The following ZNF335 variants were observed in gnomAD, a reference collection of about 807,000 sequenced individuals.
ZNF335 encodes the protein zinc finger protein 335, also known as NRC-interacting factor 1.
A neutral mutation model predicts 145.6 loss-of-function variants in ZNF335; 84 were observed. That is an observed-to-expected ratio of 0.58 (90% CI 0.48 to 0.69). The LOEUF (loss-of-function observed/expected upper bound fraction) is 0.69, where lower values mean the gene tolerates loss of function less well. ZNF335 is among the 30% of genes least tolerant of loss of function. The probability of loss-of-function intolerance (pLI) is 0.00; values close to 1 mark genes in which losing one functional copy is unlikely to be tolerated. For synonymous variants in ZNF335, 761 were observed against 717.0 expected (o/e 1.06, Z -0.98); for missense variants, 1,865 against 1,809.7 (o/e 1.03, Z -0.55).
rs1361728258 is a variant in ZNF335, at chr20:45,953,828, C to T, written c.2563G>A (p.Ala855Thr). 1.9e-6 allele frequency: 3 copies of T among 1,614,072 alleles called. No homozygotes were observed. Among genetic ancestry groups the T allele is most frequent in the Non-Finnish European group, 2.5e-6 (3 of 1,180,044 alleles). ...GGGCCTAGCTGGCTCTCGGCTGCTG[C>T]ACCGCCCCCTGGCTCTGCCACGTGG... ...TLHVAEPGGG[A>T]AAESQLGPPD... The change falls in exon 18 of 28, where the codon GCA becomes ACA. Residue 855 changes from alanine to threonine, a missense_variant. Coordinates refer to ENST00000322927, the MANE Select transcript of ZNF335 (RefSeq NM_022095.4).
chr20:45,971,808 A>G (rs2084074523), intron 1 of ZNF335: 3 of 985,046 alleles, frequency 3.0e-6, no homozygotes, highest in East Asian at 1.1e-4. Flanking sequence ...GGCCGGTGGT[A>G]CAGCCCGCTG....
chr20:45,951,651 G>A (rs34240177), intron 20 of ZNF335, among the ~76,000 whole-genome samples: 13 of 152,204 alleles, frequency 8.5e-5, no homozygotes, highest in African/African-American at 2.7e-4. Context: ...TGCAGCTGCT[G>A]TGACAGGAAG....
intron 9 of ZNF335, among the ~76,000 whole-genome samples, chr20:45,962,822 TG>T (rs58435019): frequency 0.2 from 25,444 of 127,864 alleles, 4,538 homozygotes; most frequent in Non-Finnish European, 0.27. Context: ...TTTGTTTGTT[TG>T]TTTTTTTGAG....
At chr20:45,965,030 AAATAAT>A (rs11472570) in intron 7 of ZNF335, among the ~76,000 whole-genome samples, 273 of 141,362 alleles carry the variant, frequency 1.9e-3, no homozygotes, top group East Asian at 4.1e-3. Flanking sequence ...CTCTGTCTCA[AAATAAT>A]AATAATAATA....
At chr20:45,954,825 T>TGG (rs2083697339) in intron 17 of ZNF335, among the ~76,000 whole-genome samples, 1 of 140,022 alleles carries the variant, frequency 7.1e-6, no homozygotes, top group African/African-American at 2.7e-5. Context: ...TGGAGTGCAG[T>TGG]GGTACGATTA....
intron 9 of ZNF335, among the ~76,000 whole-genome samples, chr20:45,962,817 TTGTTTG>T: frequency 1.9e-5 from 2 of 104,182 alleles, no homozygotes; most frequent in African/African-American, 3.2e-5. Flanking sequence ...TTTTTTTTGT[TTGTTTG>T]TTTTTTTGAG....
Position 45,948,854 on chromosome 20 carries a change from A to G in ZNF335, c.*99T>C. 1 of 1,569,614 alleles carries G rather than the reference A, an allele frequency of 6.4e-7. No homozygotes were observed. Among genetic ancestry groups the G allele is most frequent in the East Asian group, 2.2e-5 (1 of 44,506 alleles). On this transcript the variant is annotated 3_prime_UTR_variant, in exon 28 of 28. Transcript: ENST00000322927. Reference sequence around the variant, plus strand: ...AATGAGAGGATGCTGGCTATCCAGTATCTGGAGATCCTAAATGAAGAGGGA... The same window carrying G: ...AATGAGAGGATGCTGGCTATCCAGTGTCTGGAGATCCTAAATGAAGAGGGA...
In ZNF335 at chr20:45,949,508, C is replaced by G. The variant is rs768290060; in HGVS notation, c.3730G>C (p.Val1244Leu). 1.9e-6 allele frequency: 3 copies of G among 1,613,742 alleles called. No homozygotes were observed. The South Asian group carries it at 3.3e-5, about 18-fold the overall frequency. ...QHLLPQEYVVVPEGHHIQVQE... is the reference protein window; with the variant it reads ...QHLLPQEYVVLPEGHHIQVQE... ...ACCTGGATGTGATGGCCTTCAGGGACCACAACATATTCCTGGGGGAGCAGG... is the reference window on the plus strand; with the variant it reads ...ACCTGGATGTGATGGCCTTCAGGGAGCACAACATATTCCTGGGGGAGCAGG... The change falls in exon 25 of 28, where the codon GTC becomes CTC. Residue 1244 changes from valine (V) to leucine (L), a missense_variant. Physicochemically the swap from Val to Leu is conservative, Grantham distance 32. Coordinates refer to ENST00000322927, the MANE Select transcript of ZNF335 (RefSeq NM_022095.4).
Position 45,963,788 on chromosome 20 carries a change from GGGCAGAGT to G in ZNF335, c.1297_1304del (p.Thr433ProfsTer53). 1 of 1,614,154 alleles carries G rather than the reference GGGCAGAGT, an allele frequency of 6.2e-7. No individual in the cohort carries two copies. ...GCCTGGAAGGTCGACCTCGGCGCCG[GGGCAGAGT>G]GTCATGCTCATCCGGGCAGGAGGGG... On this transcript the variant is annotated frameshift_variant, in exon 8 of 28. Coordinates refer to ENST00000322927, the MANE Select transcript of ZNF335 (RefSeq NM_022095.4). LOFTEE classifies it high-confidence loss of function.
intron 20 of ZNF335, 49 bp downstream of exon 20, chr20:45,952,098 G>A (rs367804829): frequency 3.9e-6 from 6 of 1,541,918 alleles, no homozygotes; most frequent in Non-Finnish European, 3.5e-6. Context: ...TTATACAAAC[G>A]AGTAGCCCAA....
chr20:45,960,484 G>A lies in ZNF335; in HGVS notation c.1824C>T (p.His608=). The A allele has an allele frequency of 1.2e-6, 2 of 1,614,198 alleles. No individual in the cohort carries two copies. Among genetic ancestry groups the A allele is most frequent in the Non-Finnish European group, 1.7e-6 (2 of 1,180,026 alleles). ...CAACAGCCTGGATGTGCGTGAGCAG[G>A]TGCATTTTGAAGGTGTAGCGCTTCT... ...SFKKRYTFKM[H]LLTHIQAVAN... Residue 608 remains histidine (H), a synonymous_variant, in exon 13 of 28, where the codon CAC becomes CAT. Coordinates refer to ENST00000322927, the MANE Select transcript of ZNF335 (RefSeq NM_022095.4).
chr20:45,959,321 G>A lies in ZNF335; in HGVS notation c.2133C>T (p.Arg711=), dbSNP rs766684155. 2.5e-6 allele frequency: 4 copies of A among 1,582,256 alleles called. No individual in the cohort carries two copies. Among genetic ancestry groups the A allele is most frequent in the African/African-American group, 1.4e-5 (1 of 73,474 alleles). Residue 711 remains arginine (R), a synonymous_variant, in exon 15 of 28, where the codon CGC becomes CGT. Coordinates refer to ENST00000322927, the MANE Select transcript of ZNF335 (RefSeq NM_022095.4). ...GGCGGGAGGGGGGCTCCTCAGGGTGGCGCCTCCCCCATTCCTCGAAGCTGC... is the reference window on the plus strand; with the variant it reads ...GGCGGGAGGGGGGCTCCTCAGGGTGACGCCTCCCCCATTCCTCGAAGCTGC... ...HASSFEEWGR[R]HPEEPPSRRR...
At chr20:45,956,205 A>AG (rs2083725250) in intron 17 of ZNF335, among the ~76,000 whole-genome samples, 1 of 151,218 alleles carries the variant, frequency 6.6e-6, no homozygotes, top group African/African-American at 2.4e-5. Context: ...CTACTGAAAC[A>AG]TTTCCTAATG....
intron 17 of ZNF335, 74 bp downstream of exon 17, chr20:45,957,512 C>T: frequency 2.8e-6 from 4 of 1,411,194 alleles, no homozygotes; most frequent in Non-Finnish European, 4.0e-6. Context: ...CTGTTTTCCT[C>T]TAGTCCCAGT....
intron 22 of ZNF335, 55 bp from the exon 23 acceptor site, chr20:45,950,124 C>T: frequency 6.2e-7 from 1 of 1,608,664 alleles, no homozygotes; most frequent in South Asian, 1.1e-5. Context: ...TGCAATGCCC[C>T]AGCTGCTACT....
In ZNF335 at chr20:45,967,720, T is replaced by C. The variant is rs765271802; in HGVS notation, c.814+14A>G. 14 of 1,608,524 alleles carry C rather than the reference T, an allele frequency of 8.7e-6. No individual in the cohort carries two copies. In the East Asian group the frequency reaches 2.2e-4, roughly 26 times the overall value. On this transcript the variant is annotated intron_variant, in intron 5 of 27. Coordinates refer to ENST00000322927, the MANE Select transcript of ZNF335 (RefSeq NM_022095.4). ...ACCCATGCAGTCCAAGCAGGTAGGC[T>C]GCTACTGACGCACCTGGACGGAAGT...
At chr20:45,969,327 C>T in intron 3 of ZNF335, 124 bp downstream of exon 3, 2 of 1,241,700 alleles carry the variant, frequency 1.6e-6, no homozygotes, top group Non-Finnish European at 2.1e-6. Context: ...ACAGGGGTGA[C>T]TGTTCCCACT....
At position 45,948,704 on chromosome 20, in the gene ZNF335, T is replaced by G. The variant is rs1380738818; in HGVS notation, c.*249A>C. On this transcript the variant is annotated 3_prime_UTR_variant, in exon 28 of 28. Coordinates refer to ENST00000322927, the MANE Select transcript of ZNF335 (RefSeq NM_022095.4). Reference sequence around the variant, plus strand: ...CCCTTTATTGAGACTGACAGGCCAGTGGGTCCACCCAAACAAAAATAAATT... The same window carrying G: ...CCCTTTATTGAGACTGACAGGCCAGGGGGTCCACCCAAACAAAAATAAATT... 5.8e-6 allele frequency: 3 copies of G among 517,348 alleles called. No individual in the cohort carries two copies. The highest frequency in any genetic ancestry group is 1.1e-5 in the Non-Finnish European group (3 of 285,566). 32.0% of individuals were successfully genotyped at this position (517,348 alleles called of 1,614,324 possible). A position where few individuals can be genotyped will look rare whatever the true frequency, so the allele number is the denominator to read the frequency against.
rs2083605557 is a variant in ZNF335 at position 45,950,250 on chromosome 20, G to A, written c.3456C>T (p.Asn1152=). The change falls in exon 22 of 28, where the codon AAC becomes AAT. Residue 1152 remains asparagine (N), a synonymous_variant. Transcript: ENST00000322927. ...TQTPTQTIIL[N]SDDETLATLH... Reference sequence around the variant, plus strand: ...GGGTGGCCAGTGTTTCGTCATCACTGTTCAGGATGATGGTCTGGGTTGGGG... The same window carrying A: ...GGGTGGCCAGTGTTTCGTCATCACTATTCAGGATGATGGTCTGGGTTGGGG... 3 of 1,549,892 alleles carry A rather than the reference G, an allele frequency of 1.9e-6. No homozygotes were observed. The Admixed American group carries it at 5.8e-5, about 30-fold the overall frequency.
Sources: allele counts gnomAD v4.1 joint callset (sites outside exome capture counted in the v4.1 genomes callset), GRCh38; gene constraint gnomAD v4.1.1; transcripts MANE v1.5; gene names NCBI Gene and HGNC (gene_info 2026-07-23, HGNC 2026-07-21).